DDX51: variants seen among roughly 807,000 people sequenced by gnomAD.
DDX51 encodes ATP-dependent RNA helicase DDX51.
Under a neutral mutation model 74.6 loss-of-function variants are expected in DDX51, and 67 were observed. That is an observed-to-expected ratio of 0.90 (90% confidence interval 0.74 to 1.10). The LOEUF (loss-of-function observed/expected upper bound fraction) is 1.10, where lower values mean the gene tolerates loss of function less well. Ranked by LOEUF, DDX51 falls within the 50% of genes least tolerant of loss-of-function variation. DDX51 has a pLI of 0.00. For missense variants in DDX51, 1,056 were observed against 905.2 expected, an observed-to-expected ratio of 1.17 and a Z score of -2.14; for synonymous variants, 545 against 402.9, an observed-to-expected ratio of 1.35 and a Z score of -4.22.
Position 132,140,741 on chromosome 12 carries a change from G to A in DDX51, c.1441-6C>T, listed in dbSNP as rs1312476606. ...CTGCAGGGCACGTAGTGGTGCTACA[G>A]GGACGGCAGGGGGTCGGGGTGGAGG... is the stretch of plus-strand genomic sequence containing the variant. On this transcript the variant is annotated splice_region_variant and splice_polypyrimidine_tract_variant and intron_variant, in intron 9 of 14. Coordinates refer to ENST00000397333, the MANE Select transcript of DDX51 (RefSeq NM_175066.4). The A allele has an allele frequency of 3.1e-6, 5 of 1,612,980 alleles. No individual in the cohort carries two copies. Among genetic ancestry groups the A allele is most frequent in the African/African-American group, 2.7e-5 (2 of 74,946 alleles).
rs1335119427 is a variant in DDX51 at position 132,136,663 on chromosome 12, G to C, written c.*2609C>G. 6 of 152,564 alleles carry C rather than the reference G, an allele frequency of 3.9e-5. No homozygotes were observed. Among genetic ancestry groups the C allele is most frequent in the African/African-American group, 1.4e-4 (6 of 41,446 alleles). 9.5% of individuals were successfully genotyped at this position (152,564 alleles called of 1,614,324 possible). On this transcript the variant is annotated 3_prime_UTR_variant, in exon 15 of 15. Coordinates refer to ENST00000397333, the MANE Select transcript of DDX51 (RefSeq NM_175066.4). ...GTTGCAGAGGGGGCCTGAGCGGGTTGCTAAGTTGTAGTAAAGATGTCAAGG... is the reference window on the plus strand; with the variant it reads ...GTTGCAGAGGGGGCCTGAGCGGGTTCCTAAGTTGTAGTAAAGATGTCAAGG...
Position 132,139,733 on chromosome 12 carries a change from C to T in DDX51, c.1876G>A (p.Ala626Thr). 8 of 1,613,122 alleles carry T rather than the reference C, an allele frequency of 5.0e-6. No homozygotes were observed. Among genetic ancestry groups the T allele is most frequent in the Non-Finnish European group, 6.8e-6 (8 of 1,180,008 alleles). Residue 626 changes from alanine to threonine, a missense_variant, in exon 14 of 15, where the codon GCA (alanine) becomes ACA (threonine). By Grantham distance (58) the Ala-to-Thr change is moderately conservative. Coordinates refer to ENST00000397333, the MANE Select transcript of DDX51 (RefSeq NM_175066.4). ...AGCTCGTGCCGCTGCAACTCAGGTG[C>T]CCCAGCTTCAGTTAGCATTCGGAGG... ...RFLRMLTEAG[A>T]PELQRHELSS...
intron 6 of DDX51, 54 bp downstream of exon 6, chr12:132,141,796 C>A: frequency 3.1e-6 from 5 of 1,590,990 alleles, no homozygotes; most frequent in Non-Finnish European, 4.3e-6. Flanking sequence ...CCTCAGGCCA[C>A]CTGCAGGGCT....
chr12:132,140,561 G>A, intron 10 of DDX51, 22 bp from the exon 11 acceptor site: 7 of 1,612,836 alleles, frequency 4.3e-6, no homozygotes, highest in Non-Finnish European at 5.9e-6. Flanking sequence ...GAAGGCTGCG[G>A]CCAAGTGATG....
At position 132,143,811 on chromosome 12, in the gene DDX51, G is replaced by C. The variant is rs1220934153; in HGVS notation, c.403C>G (p.Arg135Gly). The C allele has an allele frequency of 6.6e-7, 1 of 1,525,788 alleles. No homozygotes were observed. Among genetic ancestry groups the C allele is most frequent in the African/African-American group, 1.4e-5 (1 of 70,744 alleles). The allele number at this position is 1,525,788 out of a possible 1,614,324, so 94.5% of individuals were successfully genotyped here. Residue 135 changes from arginine to glycine, a missense_variant, in exon 2 of 15, where the codon CGC (arginine) becomes GGC (glycine). Physicochemically the swap from Arg to Gly is moderately radical, Grantham distance 125. Coordinates refer to ENST00000397333, the MANE Select transcript of DDX51 (RefSeq NM_175066.4). ...GCCTCGGCGCTGGCGCTGGTGCTGC[G>C]CTCCCCCGGCGCCTCCTCGCTGCTC... ...AGSSEEAPGERSTSASAEAAP... is the reference protein window; with the variant it reads ...AGSSEEAPGEGSTSASAEAAP...
rs1306757487 is a variant in DDX51, at chr12:132,142,371, A to T, written c.722T>A (p.Leu241Gln). Reference protein sequence around the residue: ...ALLESAACGFLVGRGGYRPSD... With the variant: ...ALLESAACGFQVGRGGYRPSD... The stretch of plus-strand genomic sequence containing the variant: ...AGGCCGGTAGCCACCTCTGCCCACC[A>T]GAAACCCACAGGCTGCGCTCTCCAG... The change falls in exon 4 of 15, where the codon CTG (leucine) becomes CAG (glutamine). Residue 241 changes from leucine (L) to glutamine (Q), a missense_variant. Physicochemically the swap from Leu to Gln is moderately radical, Grantham distance 113. Transcript: ENST00000397333. The T allele has an allele frequency of 1.2e-6, 2 of 1,613,018 alleles. No homozygotes were observed. The highest frequency in any genetic ancestry group is 1.7e-6 in the Non-Finnish European group (2 of 1,180,012).
rs374440747 is a variant in DDX51, at chr12:132,139,226, G to A, written c.*46C>T. On this transcript the variant is annotated 3_prime_UTR_variant, in exon 15 of 15. Transcript: ENST00000397333. ...TGATCAGCACTGCTCTGGAAGGAGG[G>A]TCAGGGTGGTGAGCGTTCAGTCCCT... 2.1e-5 allele frequency: 34 copies of A among 1,598,532 alleles called. No individual in the cohort carries two copies. Among genetic ancestry groups the A allele is most frequent in the African/African-American group, 2.7e-5 (2 of 74,782 alleles).
At chr12:132,139,321 C>A in intron 14 of DDX51, 23 bp from the exon 15 acceptor site, 1 of 1,605,312 alleles carries the variant, frequency 6.2e-7, no homozygotes. Flanking sequence ...GGGGAGGGCT[C>A]AGCACCACAC....
chr12:132,140,339 G>C, intron 11 of DDX51, 84 bp downstream of exon 11: 1 of 1,577,792 alleles, frequency 6.3e-7, no homozygotes, highest in East Asian at 2.2e-5. Context: ...TTTGCAGAAG[G>C]AAGCACCTTT....
rs762017891 is a variant in DDX51, at chr12:132,139,635, C to T, written c.1974G>A (p.Lys658=). Reference sequence around the variant, plus strand: ...TCATGCCGGACTCTGGTGCCCTTACCTTGACAGACTCCTCCAGCTGGGACA... The same window carrying T: ...TCATGCCGGACTCTGGTGCCCTTACTTTGACAGACTCCTCCAGCTGGGACA... ...EALSQLEESV[K]EERKQRAA Residue 658 remains lysine, a splice_region_variant and synonymous_variant, in exon 14 of 15, where the codon AAG becomes AAA. Transcript: ENST00000397333. 8.7e-6 allele frequency: 14 copies of T among 1,613,024 alleles called. No homozygotes were observed. The highest frequency in any genetic ancestry group is 1.2e-5 in the Non-Finnish European group (14 of 1,180,014).
rs1485720445 is a variant in DDX51, at chr12:132,137,782, AAGGTTTATAG to A, written c.*1480_*1489del. The A allele has an allele frequency of 1.3e-5, 2 of 152,132 alleles. No homozygotes were observed. The highest frequency in any genetic ancestry group is 4.8e-5 in the African/African-American group (2 of 41,424). 9.4% of individuals were successfully genotyped at this position (152,132 alleles called of 1,614,324 possible). ...CCACCCAGTCCATGGTTTTTAGTAA[AAGGTTTATAG>A]AGGTGAGCAGCCATCACCACACACA... On this transcript the variant is annotated 3_prime_UTR_variant, in exon 15 of 15. Transcript: ENST00000397333.
In DDX51 at chr12:132,142,721, G is replaced by T; in HGVS notation, c.670+7C>A. On this transcript the variant is annotated splice_region_variant and intron_variant, in intron 3 of 14. Transcript: ENST00000397333. ...TTCCCTCAGCTGCCTGCCCGGGGCT[G>T]GGGCACCTGGAAAGTAGGACGAGAT... is the stretch of plus-strand genomic sequence containing the variant. 1 of 1,612,302 alleles carries T rather than the reference G, an allele frequency of 6.2e-7. No homozygotes were observed. The highest frequency in any genetic ancestry group is 2.2e-5 in the East Asian group (1 of 44,882).
At chr12:132,140,074 A>C (rs1897386635) in intron 12 of DDX51, 24 bp downstream of exon 12, 1 of 1,609,512 alleles carries the variant, frequency 6.2e-7, no homozygotes, top group African/African-American at 1.3e-5. Context: ...CAGACCCCCC[A>C]GTGGCCGCTG....
rs748312820 is a variant in DDX51 at position 132,140,797 on chromosome 12, G to A, written c.1440+34C>T. ...GTTGGTTAGGGGCCCCAGGTTCCCA[G>A]TGCAACCCTCTGCCCACACGGTATC... is the stretch of plus-strand genomic sequence containing the variant. On this transcript the variant is annotated intron_variant, in intron 9 of 14. Transcript: ENST00000397333. The A allele has an allele frequency of 3.7e-5, 59 of 1,613,148 alleles. 1 individual carries two copies. The highest frequency in any genetic ancestry group is 4.1e-5 in the Non-Finnish European group (48 of 1,179,964).
Position 132,139,622 on chromosome 12 carries a change from C to G in DDX51, c.1974+13G>C, listed in dbSNP as rs987089308. ...TCCCCAGAGGGTTTCATGCCGGACTCTGGTGCCCTTACCTTGACAGACTCC... is the reference window on the plus strand; with the variant it reads ...TCCCCAGAGGGTTTCATGCCGGACTGTGGTGCCCTTACCTTGACAGACTCC... On this transcript the variant is annotated intron_variant, in intron 14 of 14. Transcript: ENST00000397333. The G allele has an allele frequency of 6.2e-7, 1 of 1,613,158 alleles. No homozygotes were observed. The highest frequency in any genetic ancestry group is 1.1e-5 in the South Asian group (1 of 91,090).
chr12:132,142,637 G>A, intron 3 of DDX51, 91 bp downstream of exon 3: 1 of 1,550,870 alleles, frequency 6.4e-7, no homozygotes, highest in Non-Finnish European at 8.7e-7. Flanking sequence ...GCACCGATGT[G>A]GCAGGGACGC....
At chr12:132,141,238 T>G in intron 8 of DDX51, 37 bp downstream of exon 8, 1 of 1,564,078 alleles carries the variant, frequency 6.4e-7, no homozygotes, top group Non-Finnish European at 8.6e-7. Context: ...AGGACTCTGC[T>G]CAGGGGAGGC....
At chr12:132,143,251 G>A (rs992052801) in intron 2 of DDX51, 11 of 401,956 alleles carry the variant, frequency 2.7e-5, no homozygotes, top group South Asian at 2.5e-4. Context: ...AACTCAAAGA[G>A]AACCTCCTCC....
Position 132,143,691 on chromosome 12 carries a change from T to A in DDX51, c.519+4A>T. ...CGACCACCCTCCCGCCCGCCGAGGCTCACCTTCGGCGCCTTCCTCTTCCCG... is the reference window on the plus strand; with the variant it reads ...CGACCACCCTCCCGCCCGCCGAGGCACACCTTCGGCGCCTTCCTCTTCCCG... On this transcript the variant is annotated splice_donor_region_variant and intron_variant, in intron 2 of 14. Transcript: ENST00000397333. 2.0e-6 allele frequency: 3 copies of A among 1,537,764 alleles called. No homozygotes were observed. The highest frequency in any genetic ancestry group is 2.6e-6 in the Non-Finnish European group (3 of 1,144,716).
Sources: allele counts gnomAD v4.1 joint callset, GRCh38; gene constraint gnomAD v4.1.1; transcripts MANE v1.5; gene names NCBI Gene and HGNC (gene_info 2026-07-23, HGNC 2026-07-21).